Variants in CCDC141 observed in about 807,000 individuals in gnomAD.
The protein encoded by CCDC141 is coiled-coil domain containing 141, also known as coiled-coil domain-containing protein 141.
In CCDC141, 168 loss-of-function variants were observed where a neutral mutation model predicts 181.0. The observed-to-expected ratio is 0.93, with a 90% confidence interval of 0.82 to 1.05. The LOEUF is 1.05. CCDC141 is among the 50% of genes least tolerant of loss of function. The pLI is 0.00. For synonymous variants in CCDC141, 666 were observed against 642.3 expected (o/e 1.04, Z -0.56); for missense variants, 1,902 against 1,788.5 (o/e 1.06, Z -1.14).
At chr2:178,942,797 A>T (rs1052497335) in intron 6 of CCDC141, among the ~76,000 whole-genome samples, 5 of 152,158 alleles carry the variant, frequency 3.3e-5, no homozygotes, top group African/African-American at 1.2e-4. Flanking sequence ...CTTCCTCTCA[A>T]TTTTGCTGTG....
intron 4 of CCDC141, among the ~76,000 whole-genome samples, chr2:178,974,439 A>G (rs1691033889): frequency 6.6e-6 from 1 of 152,046 alleles, no homozygotes; most frequent in Non-Finnish European, 1.5e-5. Context: ...GCGTTTCCCT[A>G]CTCCACTCCT....
chr2:178,860,379 A>G (rs556488662), intron 17 of CCDC141, among the ~76,000 whole-genome samples: 1 of 151,780 alleles, frequency 6.6e-6, no homozygotes, highest in Non-Finnish European at 1.5e-5. Context: ...CTAAAAATAC[A>G]AAAATCAGCT....
chr2:178,906,179 T>C (rs1304093765), intron 7 of CCDC141, among the ~76,000 whole-genome samples: 1 of 152,190 alleles, frequency 6.6e-6, no homozygotes, highest in Non-Finnish European at 1.5e-5. Context: ...ACCAAGATAT[T>C]GTCTTGAGAG....
intron 4 of CCDC141, among the ~76,000 whole-genome samples, chr2:178,965,144 A>G (rs986328512): frequency 1.3e-5 from 2 of 152,250 alleles, no homozygotes; most frequent in African/African-American, 4.8e-5. Context: ...TGGTCCTGAG[A>G]TCATGTAAGA....
Position 178,832,485 on chromosome 2 carries a change from A to AC in CCDC141, c.*1687_*1688insG, listed in dbSNP as rs1196638864. 2.3e-4 allele frequency: 33 copies of AC among 142,572 alleles called. No homozygotes were observed. Among genetic ancestry groups the AC allele is most frequent in the Admixed American group, 8.3e-4 (12 of 14,386 alleles). 8.8% of individuals were successfully genotyped at this position (142,572 alleles called of 1,614,324 possible). A position where few individuals can be genotyped will look rare whatever the true frequency, so the allele number is the denominator to read the frequency against. On this transcript the variant is annotated 3_prime_UTR_variant, in exon 24 of 24. Coordinates refer to ENST00000443758, the MANE Select transcript of CCDC141 (RefSeq NM_173648.4). ...TTTCTCAAAAAAAAAAAAAAAAAACAAAAAAAACAAAAAAAAGATAGTTAA... is the reference window on the plus strand; with the variant it reads ...TTTCTCAAAAAAAAAAAAAAAAAACACAAAAAAACAAAAAAAAGATAGTTAA...
chr2:178,827,563 T>G (rs1561610668), downstream of CCDC141, among the ~76,000 whole-genome samples: 1 of 152,292 alleles, frequency 6.6e-6, no homozygotes, highest in South Asian at 2.1e-4. Flanking sequence ...TGCACCATAG[T>G]GCACTTAGGG....
At chr2:178,841,993 T>C (rs1208979897) in intron 22 of CCDC141, among the ~76,000 whole-genome samples, 3 of 152,222 alleles carry the variant, frequency 2.0e-5, no homozygotes, top group Non-Finnish European at 4.4e-5. Context: ...TTTTCAACTA[T>C]GAAAATGCTA....
chr2:178,995,976 G>A (rs1260285268), intron 2 of CCDC141, among the ~76,000 whole-genome samples: 1 of 151,922 alleles, frequency 6.6e-6, no homozygotes, highest in African/African-American at 2.4e-5. Context: ...GTTAGTTCAA[G>A]AATATATAAG....
intron 5 of CCDC141, among the ~76,000 whole-genome samples, chr2:178,953,338 G>A (rs557979675): frequency 3.2e-4 from 48 of 152,016 alleles, no homozygotes; most frequent in Non-Finnish European, 6.5e-4. Context: ...TCGGGAGGCT[G>A]AGGCAGGAGA....
chr2:179,043,506 T>A (rs991243577), intron 2 of CCDC141, among the ~76,000 whole-genome samples: 15 of 152,104 alleles, frequency 9.9e-5, no homozygotes, highest in African/African-American at 3.6e-4. Flanking sequence ...CACAATCAAA[T>A]AGGCTTCATT....
At chr2:178,994,603 GCTC>G (rs1393044057) in intron 2 of CCDC141, among the ~76,000 whole-genome samples, 8 of 152,226 alleles carry the variant, frequency 5.3e-5, no homozygotes, top group East Asian at 1.9e-4. Flanking sequence ...TTGGGGATTA[GCTC>G]CTCGTTACTT....
intron 2 of CCDC141, among the ~76,000 whole-genome samples, chr2:179,027,680 A>AAAAAAAAAAAAAAAAAAAAAAAAAAC (rs2042890888): frequency 8.4e-6 from 1 of 118,502 alleles, no homozygotes; most frequent in Non-Finnish European, 1.9e-5. Flanking sequence ...AAAAAAAAAA[A>AAAAAAAAAAAAAAAAAAAAAAAAAAC]AGTTTCCCTG....
intron 18 of CCDC141, 114 bp downstream of exon 18, chr2:178,856,143 T>G (rs1231919480): frequency 1.1e-6 from 1 of 887,412 alleles, no homozygotes; most frequent in Non-Finnish European, 1.6e-6. Flanking sequence ...TGAGTCCCAA[T>G]GCTACAAAAA....
chr2:179,038,929 A>G (rs1268479142), intron 2 of CCDC141, among the ~76,000 whole-genome samples: 1 of 152,216 alleles, frequency 6.6e-6, no homozygotes, highest in East Asian at 1.9e-4. Context: ...TGTTAAGAAG[A>G]ACATTCTTGG....
chr2:178,843,932 C>T (rs935184277), intron 22 of CCDC141, among the ~76,000 whole-genome samples: 2 of 152,190 alleles, frequency 1.3e-5, no homozygotes, highest in African/African-American at 4.8e-5. Context: ...CAATTCTTGA[C>T]AGCTGTAATT....
intron 21 of CCDC141, 112 bp downstream of exon 21, chr2:178,849,937 C>T (rs1422239409): frequency 4.8e-6 from 3 of 628,884 alleles, no homozygotes; most frequent in Non-Finnish European, 8.5e-6. Flanking sequence ...CAAATGTGCA[C>T]ATTATGTACC....
intron 1 of CCDC141, among the ~76,000 whole-genome samples, chr2:179,048,692 C>G: frequency 6.6e-6 from 1 of 152,160 alleles, no homozygotes; most frequent in East Asian, 1.9e-4. Flanking sequence ...TTCATCTCCT[C>G]TCTGGGACTC....
At chr2:178,903,575 G>A (rs1230085416) in intron 8 of CCDC141, among the ~76,000 whole-genome samples, 1 of 125,556 alleles carries the variant, frequency 8.0e-6, no homozygotes, top group South Asian at 2.9e-4. Flanking sequence ...ATGGACACAG[G>A]AAGGGGAACA....
chr2:178,822,219 G>T, the CCDC141 span, among the ~76,000 whole-genome samples: 1 of 151,284 alleles, frequency 6.6e-6, no homozygotes, highest in Non-Finnish European at 1.5e-5. Flanking sequence ...AGAACACTTG[G>T]ACACAGGAAG....
Sources: gnomAD v4.1 joint callset for allele counts (sites outside exome capture counted in the v4.1 genomes callset) on GRCh38, gnomAD v4.1.1 for gene constraint, MANE v1.5 for transcripts, NCBI Gene and HGNC (gene_info 2026-07-23, HGNC 2026-07-21) for gene names.